The following ALOX5 variants were observed in gnomAD, a reference collection of about 807,000 sequenced individuals.
ALOX5 encodes arachidonate 5-lipoxygenase.
Under a neutral mutation model 87.9 loss-of-function variants are expected in ALOX5, and 64 were observed. The observed-to-expected ratio is 0.73, with a 90% CI of 0.60 to 0.90. The LOEUF is 0.90. Among genes scored for constraint, ALOX5 ranks in the 40% least tolerant of loss-of-function variants. The probability of loss-of-function intolerance (pLI) is 0.00; values close to 1 mark genes in which losing one functional copy is unlikely to be tolerated. For missense variants in ALOX5, 822 were observed against 907.5 expected (o/e 0.91, Z 1.21); for synonymous variants, 388 against 355.1 (o/e 1.09, Z -1.04).
Position 45,440,598 on chromosome 10 carries a change from T to C in ALOX5, c.1150T>C (p.Tyr384His), listed in dbSNP as rs757072938. 3.1e-6 allele frequency: 5 copies of C among 1,614,158 alleles called. No homozygotes were observed. In the South Asian group the frequency reaches 5.5e-5, roughly 18 times the overall value. Residue 384 changes from tyrosine (Y) to histidine (H), a missense_variant, in exon 8 of 14, where the codon TAC becomes CAC. Physicochemically the swap from Tyr to His is moderately conservative, Grantham distance 83. Transcript: ENST00000374391. ...LVSEVFGIAM[Y>H]RQLPAVHPIF... ...GTCTGAGGTTTTTGGCATTGCAATG[T>C]ACCGCCAGCTGCCTGCTGTGCACCC...
chr10:45,417,189 A>C (rs950830907), intron 4 of ALOX5, among the ~76,000 whole-genome samples: 5 of 152,060 alleles, frequency 3.3e-5, no homozygotes, highest in African/African-American at 1.2e-4. Context: ...ATGAGCACCT[A>C]TCCTGTGGTA....
At chr10:45,392,009 C>T (rs1409387400) in intron 2 of ALOX5, among the ~76,000 whole-genome samples, 1 of 151,480 alleles carries the variant, frequency 6.6e-6, no homozygotes, top group Non-Finnish European at 1.5e-5. Context: ...AGCCCCCCGC[C>T]CGGCCAGCCG....
At position 45,424,946 on chromosome 10, in the gene ALOX5, T is replaced by A; in HGVS notation, c.662-14T>A. ...ACTCAGAGCTCAGGGTGGGCCTCGC[T>A]TTTCTCCTGGTAGAGCGGGTCATGA... On this transcript the variant is annotated splice_polypyrimidine_tract_variant and intron_variant, in intron 5 of 13. Transcript: ENST00000374391. The A allele has an allele frequency of 6.2e-7, 1 of 1,613,862 alleles. No individual in the cohort carries two copies. The highest frequency in any genetic ancestry group is 1.7e-5 in the Admixed American group (1 of 60,008).
chr10:45,407,586 T>A (rs941743857), intron 3 of ALOX5, among the ~76,000 whole-genome samples: 1 of 152,190 alleles, frequency 6.6e-6, no homozygotes, highest in Admixed American at 6.5e-5. Flanking sequence ...TACACAATTT[T>A]CATGTAAGAG....
intron 4 of ALOX5, among the ~76,000 whole-genome samples, chr10:45,422,225 A>G (rs1012029090): frequency 1.6e-4 from 25 of 152,104 alleles, no homozygotes; most frequent in African/African-American, 5.3e-4. Flanking sequence ...TTCCCCTGAG[A>G]CAACAGAGCT....
chr10:45,381,317 A>G (rs775010798), intron 1 of ALOX5, among the ~76,000 whole-genome samples: 5 of 152,352 alleles, frequency 3.3e-5, no homozygotes, highest in Middle Eastern at 3.4e-3. Flanking sequence ...GTGAACTGCA[A>G]ATGTCCCAGG....
intron 1 of ALOX5, among the ~76,000 whole-genome samples, chr10:45,381,334 C>T (rs986184954): frequency 6.6e-5 from 10 of 152,254 alleles, no homozygotes; most frequent in African/African-American, 1.9e-4. Context: ...CAGGACGACT[C>T]GAATCCATGC....
chr10:45,439,572 AG>A (rs1265118366), intron 7 of ALOX5, among the ~76,000 whole-genome samples: 1 of 152,136 alleles, frequency 6.6e-6, no homozygotes, highest in African/African-American at 2.4e-5. Context: ...GCTCTCAATA[AG>A]GGGGCAACGT....
At position 45,420,853 on chromosome 10, in the gene ALOX5, T is replaced by C. The variant is rs577226848; in HGVS notation, c.555-3188T>C. ...ACCTCAATGGCCTCATTAAAGCAAATTGAGAAAGAGAGTTTCCTTCCCAGT... is the reference window on the plus strand; with the variant it reads ...ACCTCAATGGCCTCATTAAAGCAAACTGAGAAAGAGAGTTTCCTTCCCAGT... On this transcript the variant is annotated intron_variant, in intron 4 of 13. Coordinates refer to ENST00000374391, the MANE Select transcript of ALOX5 (RefSeq NM_000698.5). Among the ~76,000 whole-genome samples the C allele has an allele frequency of 7.2e-4, 109 of 152,174 alleles. 1 individual carries two copies. The highest frequency in any genetic ancestry group is 1.3e-3 in the Non-Finnish European group (89 of 68,032).
At chr10:45,407,391 C>CT (rs59337853) in intron 3 of ALOX5, among the ~76,000 whole-genome samples, 31 of 145,646 alleles carry the variant, frequency 2.1e-4, no homozygotes, top group African/African-American at 3.8e-4. Flanking sequence ...TATCTTTTTC[C>CT]TTTTTTTTTT....
At chr10:45,383,802 G>C (rs1231978757) in intron 2 of ALOX5, among the ~76,000 whole-genome samples, 1 of 152,086 alleles carries the variant, frequency 6.6e-6, no homozygotes, top group Non-Finnish European at 1.5e-5. Flanking sequence ...GAGGATTTTT[G>C]TCCCCCTACC....
At chr10:45,435,583 A>G (rs1202878779) in intron 7 of ALOX5, among the ~76,000 whole-genome samples, 1 of 152,184 alleles carries the variant, frequency 6.6e-6, no homozygotes, top group Non-Finnish European at 1.5e-5. Context: ...CCTAAGCTGC[A>G]TCCATGTTGC....
chr10:45,440,336 G>C, intron 7 of ALOX5, 94 bp from the exon 8 acceptor site: 1 of 1,343,470 alleles, frequency 7.4e-7, no homozygotes, highest in Non-Finnish European at 1.0e-6. Flanking sequence ...AAGAAATTCA[G>C]ATACTTCTGG....
chr10:45,444,042 A>T, intron 12 of ALOX5, 74 bp from the exon 13 acceptor site: 2 of 1,471,380 alleles, frequency 1.4e-6, no homozygotes, highest in South Asian at 2.7e-5. Flanking sequence ...GGGCACGGGG[A>T]GGACGGGGCC....
chr10:45,383,445 G>A (rs1214459758), intron 2 of ALOX5, among the ~76,000 whole-genome samples: 5 of 152,156 alleles, frequency 3.3e-5, no homozygotes, highest in African/African-American at 1.2e-4. Flanking sequence ...ACCTCACTTC[G>A]AGTCATAACC....
chr10:45,413,629 A>G (rs1436628644), intron 4 of ALOX5, among the ~76,000 whole-genome samples: 3 of 152,208 alleles, frequency 2.0e-5, no homozygotes, highest in Non-Finnish European at 2.9e-5. Flanking sequence ...AGGGTATTCA[A>G]TTAGGAAAAG....
At chr10:45,444,319 G>T in intron 13 of ALOX5, 33 bp downstream of exon 13, 4 of 1,530,874 alleles carry the variant, frequency 2.6e-6, no homozygotes, top group African/African-American at 1.4e-5. Context: ...ACAGCCCCAG[G>T]TCACCCCAGG....
Position 45,444,087 on chromosome 10 carries a change from C to T in ALOX5, c.1675-29C>T, listed in dbSNP as rs2132866347. ...GCTGGGCAGCAGGGCTTCGGGGGTGCCCACGCTTGCTGGCGGTCGTCTCCG... is the reference window on the plus strand; with the variant it reads ...GCTGGGCAGCAGGGCTTCGGGGGTGTCCACGCTTGCTGGCGGTCGTCTCCG... On this transcript the variant is annotated intron_variant, in intron 12 of 13. Transcript: ENST00000374391. 2.7e-6 allele frequency: 4 copies of T among 1,507,840 alleles called. No individual in the cohort carries two copies. In the East Asian group the frequency reaches 9.9e-5, roughly 37 times the overall value. The allele number at this position is 1,507,840 out of a possible 1,614,324, so 93.4% of individuals were successfully genotyped here. A position where few individuals can be genotyped will look rare whatever the true frequency, so the allele number is the denominator to read the frequency against.
intron 2 of ALOX5, among the ~76,000 whole-genome samples, chr10:45,392,312 T>C (rs1840314355): frequency 6.6e-6 from 1 of 152,122 alleles, no homozygotes; most frequent in South Asian, 2.1e-4. Context: ...GGTTGCTGTG[T>C]CTGTGTAGAA....
Sources: allele counts gnomAD v4.1 joint callset (sites outside exome capture counted in the v4.1 genomes callset), GRCh38; gene constraint gnomAD v4.1.1; transcripts MANE v1.5; gene names NCBI Gene and HGNC (gene_info 2026-07-23, HGNC 2026-07-21).